DGKB: variants seen among roughly 807,000 people sequenced by gnomAD.
DGKB encodes 90 kDa diacylglycerol kinase.
DGKB carries 67 observed loss-of-function variants against 114.3 expected under a neutral mutation model. The observed-to-expected ratio is 0.59, with a 90% CI of 0.48 to 0.72. The LOEUF is 0.72. Among genes scored for constraint, DGKB ranks in the 30% least tolerant of loss-of-function variants. DGKB has a pLI of 0.00. For synonymous variants in DGKB, 398 were observed against 323.1 expected (o/e 1.23, Z -2.49); for missense variants, 907 against 975.2 (o/e 0.93, Z 0.93).
chr7:14,246,957 T>C (rs1462585210), intron 23 of DGKB, among the ~76,000 whole-genome samples: 2 of 152,148 alleles, frequency 1.3e-5, no homozygotes, highest in East Asian at 1.9e-4. Context: ...TAAAGCTTTG[T>C]ACCCTTTTTA....
intron 5 of DGKB, among the ~76,000 whole-genome samples, chr7:14,723,725 T>G (rs1357927876): frequency 1.3e-5 from 2 of 152,194 alleles, no homozygotes; most frequent in South Asian, 4.1e-4. Flanking sequence ...TCTGTTAAAA[T>G]AAGTTCATTA....
intron 23 of DGKB, among the ~76,000 whole-genome samples, chr7:14,290,427 C>T (rs751564157): frequency 2.0e-5 from 3 of 151,978 alleles, no homozygotes; most frequent in Non-Finnish European, 4.4e-5. Context: ...CTAGGTTATC[C>T]TGCACACAAA....
chr7:14,805,287 A>T (rs1842659813), intron 2 of DGKB, among the ~76,000 whole-genome samples: 1 of 152,106 alleles, frequency 6.6e-6, no homozygotes, highest in Non-Finnish European at 1.5e-5. Context: ...CCATCTACAC[A>T]TTGCAGGCTG....
At chr7:14,722,837 TA>T (rs771690852) in intron 5 of DGKB, among the ~76,000 whole-genome samples, 1 of 151,712 alleles carries the variant, frequency 6.6e-6, no homozygotes, top group African/African-American at 2.4e-5. Flanking sequence ...TAAATAAAAA[TA>T]AAAAAACTCA....
At chr7:14,190,036 A>G (rs1784073642) in intron 23 of DGKB, among the ~76,000 whole-genome samples, 1 of 152,162 alleles carries the variant, frequency 6.6e-6, no homozygotes. Context: ...ACACTGCACC[A>G]TAGACCAAAT....
At chr7:14,450,012 T>G (rs999836916) in intron 21 of DGKB, among the ~76,000 whole-genome samples, 2 of 152,096 alleles carry the variant, frequency 1.3e-5, no homozygotes, top group African/African-American at 4.8e-5. Context: ...AAGTTCATTA[T>G]GTATTACTTG....
chr7:14,846,466 A>G (rs2128148749), intron 1 of DGKB, among the ~76,000 whole-genome samples: 1 of 152,342 alleles, frequency 6.6e-6, no homozygotes, highest in Admixed American at 6.5e-5. Flanking sequence ...GTGTAATTTC[A>G]AATACAGAGG....
chr7:14,776,284 A>AT (rs560455561), intron 2 of DGKB, among the ~76,000 whole-genome samples: 7 of 152,308 alleles, frequency 4.6e-5, no homozygotes, highest in Admixed American at 1.3e-4. Flanking sequence ...ATAAAAATCC[A>AT]TTTTTTGGGG....
chr7:14,418,973 G>A (rs1225036908), intron 21 of DGKB, among the ~76,000 whole-genome samples: 1 of 151,698 alleles, frequency 6.6e-6, no homozygotes, highest in African/African-American at 2.4e-5. Flanking sequence ...AATATTCCAG[G>A]CCATAGGTTC....
chr7:14,553,594 T>G (rs937049693), intron 20 of DGKB, among the ~76,000 whole-genome samples: 4 of 152,086 alleles, frequency 2.6e-5, no homozygotes, highest in African/African-American at 9.7e-5. Context: ...AACAATTCAA[T>G]AAAAGGCAGC....
At chr7:14,623,585 T>C (rs1563710272) in intron 14 of DGKB, among the ~76,000 whole-genome samples, 1 of 152,138 alleles carries the variant, frequency 6.6e-6, no homozygotes. Context: ...ACTAAAATAA[T>C]GCTAATCAAT....
chr7:14,176,417 C>A, intron 25 of DGKB: 1 of 985,966 alleles, frequency 1.0e-6, no homozygotes, highest in Non-Finnish European at 1.2e-6. Flanking sequence ...CCTCAAATCC[C>A]CAAATGGAGG....
chr7:14,163,535 G>T (rs1409186873), intron 25 of DGKB, among the ~76,000 whole-genome samples: 1 of 152,094 alleles, frequency 6.6e-6, no homozygotes, highest in African/African-American at 2.4e-5. Flanking sequence ...AGGTAAAAAG[G>T]TGCTTTTAGT....
chr7:14,653,426 A>G (rs1164172993), intron 13 of DGKB, among the ~76,000 whole-genome samples: 1 of 151,642 alleles, frequency 6.6e-6, no homozygotes, highest in Admixed American at 6.6e-5. Flanking sequence ...AACACCGCAT[A>G]TTCTCACTCA....
chr7:14,345,728 T>C (rs920674064), intron 21 of DGKB, among the ~76,000 whole-genome samples: 1 of 151,718 alleles, frequency 6.6e-6, no homozygotes, highest in Admixed American at 6.6e-5. Flanking sequence ...TGGGAAATTA[T>C]GATACAGCAT....
At chr7:14,684,494 G>A (rs1188685252) in intron 10 of DGKB, among the ~76,000 whole-genome samples, 1 of 152,032 alleles carries the variant, frequency 6.6e-6, no homozygotes, top group Admixed American at 6.6e-5. Context: ...GGACTATCAT[G>A]GATTGTAAAA....
chr7:14,584,271 C>G lies in DGKB; in HGVS notation c.1434-1134G>C, dbSNP rs1233341484. ...TGATCTCTTTTTATGAATTTTTAAG[C>G]TATTTCCTGTGTCTCATTACTACAA... On this transcript the variant is annotated intron_variant, in intron 17 of 25. Coordinates refer to ENST00000402815, the MANE Select transcript of DGKB (RefSeq NM_001350709.2). Among the ~76,000 whole-genome samples, 3 of 152,238 alleles carry G rather than the reference C, an allele frequency of 2.0e-5. No homozygotes were observed. The East Asian group carries it at 5.8e-4, about 29-fold the overall frequency.
At chr7:14,711,686 G>C (rs1827371393) in intron 6 of DGKB, among the ~76,000 whole-genome samples, 2 of 152,100 alleles carry the variant, frequency 1.3e-5, no homozygotes, top group African/African-American at 4.8e-5. Context: ...GATTTGCTTA[G>C]AAAGGGTGGT....
Position 14,408,698 on chromosome 7 carries a change from C to G in DGKB, c.1836-63307G>C, listed in dbSNP as rs544579846. 2.6e-5 allele frequency among the ~76,000 whole-genome samples: 4 copies of G among 152,056 alleles called. No individual in the cohort carries two copies. In the East Asian group the frequency reaches 7.7e-4, roughly 29 times the overall value. On this transcript the variant is annotated intron_variant, in intron 21 of 25. Transcript: ENST00000402815. The stretch of plus-strand genomic sequence containing the variant: ...TTTGGTTCTTTACTTGATAATGAAT[C>G]CAAGCTTTAAAAACAAGCTAAAAAA...
Sources: gnomAD v4.1 joint callset for allele counts (sites outside exome capture counted in the v4.1 genomes callset) on GRCh38, gnomAD v4.1.1 for gene constraint, MANE v1.5 for transcripts, NCBI Gene and HGNC (gene_info 2026-07-23, HGNC 2026-07-21) for gene names.